The following EGFR variants were observed in gnomAD, a reference collection of about 807,000 sequenced individuals.
EGFR encodes the protein avian erythroblastic leukemia viral (v-erb-b) oncogene homolog.
In EGFR, 58 loss-of-function variants were observed where a neutral mutation model predicts 143.0. That is an observed-to-expected ratio of 0.41 (90% CI 0.33 to 0.50). EGFR has a LOEUF of 0.50. EGFR is among the 20% of genes least tolerant of loss of function. The probability of loss-of-function intolerance (pLI) is 0.39; values close to 1 mark genes in which losing one functional copy is unlikely to be tolerated. For missense variants in EGFR, 1,307 were observed against 1,579.0 expected, an observed-to-expected ratio of 0.83 and a Z score of 2.92; for synonymous variants, 613 against 594.4, an observed-to-expected ratio of 1.03 and a Z score of -0.45.
chr7:55,135,840 AATGTATTTT>A (rs11278449), intron 1 of EGFR, among the ~76,000 whole-genome samples: 4,240 of 152,242 alleles, frequency 0.028, 219 homozygotes, highest in African/African-American at 0.097. Flanking sequence ...ATTTTTAAGG[AATGTATTTT>A]TTAAGATAGC....
intron 1 of EGFR, among the ~76,000 whole-genome samples, chr7:55,103,526 T>G (rs1791945606): frequency 6.6e-6 from 1 of 152,224 alleles, no homozygotes; most frequent in Admixed American, 6.5e-5. Flanking sequence ...AGTGAAAAGC[T>G]GGCAGATTTT....
chr7:55,172,193 C>T (rs1786381937), intron 16 of EGFR, among the ~76,000 whole-genome samples: 1 of 152,194 alleles, frequency 6.6e-6, no homozygotes, highest in Non-Finnish European at 1.5e-5. Flanking sequence ...CTGCTCTTTT[C>T]CATCTTTTTC....
At chr7:55,066,306 C>T (rs1308857048) in intron 1 of EGFR, among the ~76,000 whole-genome samples, 2 of 152,150 alleles carry the variant, frequency 1.3e-5, no homozygotes, top group African/African-American at 4.8e-5. Context: ...ACTAATGAGG[C>T]ACTGTCGTGC....
chr7:55,058,326 G>A (rs546167780), intron 1 of EGFR, among the ~76,000 whole-genome samples: 6 of 152,164 alleles, frequency 3.9e-5, no homozygotes, highest in South Asian at 2.1e-4. Context: ...CGCGGGAGGC[G>A]GAGTTTGCAG....
At chr7:55,092,161 A>T (rs1791167343) in intron 1 of EGFR, among the ~76,000 whole-genome samples, 1 of 152,114 alleles carries the variant, frequency 6.6e-6, no homozygotes, top group African/African-American at 2.4e-5. Flanking sequence ...TCTGCTCAGG[A>T]CAGAATGGGG....
Position 55,207,105 on chromosome 7 carries a change from CAG to C in EGFR, c.*1489_*1490del. 1 of 232,832 alleles carries C rather than the reference CAG, an allele frequency of 4.3e-6. No homozygotes were observed. Among genetic ancestry groups the C allele is most frequent in the Non-Finnish European group, 8.5e-6 (1 of 117,798 alleles). The allele number at this position is 232,832 out of a possible 1,614,324, so 14.4% of individuals were successfully genotyped here. A position where few individuals can be genotyped will look rare whatever the true frequency, so the allele number is the denominator to read the frequency against. On this transcript the variant is annotated 3_prime_UTR_variant, in exon 28 of 28. Transcript: ENST00000275493. ...CTGGTTAACAGCAGTCCTTTGTAAACAGTGTTTTAAACTCTCCTAGTCAATAT... is the reference window on the plus strand; with the variant it reads ...CTGGTTAACAGCAGTCCTTTGTAAACTGTTTTAAACTCTCCTAGTCAATAT...
intron 1 of EGFR, among the ~76,000 whole-genome samples, chr7:55,042,207 T>G (rs1787937449): frequency 1.3e-5 from 2 of 152,218 alleles, no homozygotes; most frequent in Non-Finnish European, 2.9e-5. Context: ...TAAGTTTGAC[T>G]TTCATTTACC....
chr7:55,105,622 A>G (rs908853572), intron 1 of EGFR, among the ~76,000 whole-genome samples: 5 of 152,212 alleles, frequency 3.3e-5, no homozygotes, highest in Non-Finnish European at 5.9e-5. Context: ...CTGGAGAAGC[A>G]TTTAGGGAGC....
chr7:55,209,611 A>G lies in EGFR; in HGVS notation c.*3994A>G, dbSNP rs1415447831. 2.0e-5 allele frequency: 3 copies of G among 152,168 alleles called. No individual in the cohort carries two copies. Among genetic ancestry groups the G allele is most frequent in the Non-Finnish European group, 4.4e-5 (3 of 68,040 alleles). 9.4% of individuals were successfully genotyped at this position (152,168 alleles called of 1,614,324 possible). A position where few individuals can be genotyped will look rare whatever the true frequency, so the allele number is the denominator to read the frequency against. Reference sequence around the variant, plus strand: ...TATTGCAACATAATGATCTGCTCACATTTCCTTGCCTGGGGGCTGTAAAAC... The same window carrying G: ...TATTGCAACATAATGATCTGCTCACGTTTCCTTGCCTGGGGGCTGTAAAAC... On this transcript the variant is annotated 3_prime_UTR_variant, in exon 28 of 28. Transcript: ENST00000275493.
rs187753487 is a variant in EGFR at position 55,089,393 on chromosome 7, A to G, written c.89-52893A>G. Among the ~76,000 whole-genome samples, 8 of 152,348 alleles carry G rather than the reference A, an allele frequency of 5.3e-5. No individual in the cohort carries two copies. The South Asian group carries it at 1.2e-3, about 24-fold the overall frequency. ...GGGTGCCATTCAAATAGGATTTTCA[A>G]TGGAGGAATTTTTAAATTTTCAGTT... On this transcript the variant is annotated intron_variant, in intron 1 of 27. Transcript: ENST00000275493.
At chr7:55,161,737 T>C in intron 13 of EGFR, 106 bp downstream of exon 13, 1 of 1,586,310 alleles carries the variant, frequency 6.3e-7, no homozygotes, top group East Asian at 2.2e-5. Flanking sequence ...CCTTTTATTC[T>C]TTGCCCTTGG....
intron 1 of EGFR, among the ~76,000 whole-genome samples, chr7:55,057,910 C>T (rs549854676): frequency 2.2e-4 from 34 of 152,296 alleles, no homozygotes; most frequent in Admixed American, 1.2e-3. Context: ...ACAAAAGCAA[C>T]GTGCTCTTTT....
chr7:55,202,430 A>C, intron 26 of EGFR, 87 bp from the exon 27 acceptor site: 2 of 1,148,394 alleles, frequency 1.7e-6, no homozygotes. Context: ...CAGAACCAGC[A>C]TCTCAAGGAG....
At chr7:55,080,545 G>A (rs2128889536) in intron 1 of EGFR, among the ~76,000 whole-genome samples, 1 of 152,306 alleles carries the variant, frequency 6.6e-6, no homozygotes, top group Non-Finnish European at 1.5e-5. Flanking sequence ...CTGGGAAGGT[G>A]TGAGCTTGGG....
chr7:55,025,828 A>G (rs1358445080), intron 1 of EGFR, among the ~76,000 whole-genome samples: 1 of 152,214 alleles, frequency 6.6e-6, no homozygotes, highest in Non-Finnish European at 1.5e-5. Context: ...GTTATCAGCA[A>G]CTGGTAATAT....
chr7:55,181,686 T>G, intron 20 of EGFR: 1 of 638,846 alleles, frequency 1.6e-6, no homozygotes, highest in African/African-American at 1.8e-5. Flanking sequence ...GAAACTCTCA[T>G]CAATCAGCTA....
At chr7:55,161,688 T>A (rs887208185) in intron 13 of EGFR, 57 bp downstream of exon 13, 2 of 1,613,188 alleles carry the variant, frequency 1.2e-6, no homozygotes, top group African/African-American at 2.7e-5. Context: ...CTCCAGGTTG[T>A]TGTTATAGCT....
intron 1 of EGFR, among the ~76,000 whole-genome samples, chr7:55,087,620 A>G (rs1240670556): frequency 6.6e-6 from 1 of 152,230 alleles, no homozygotes; most frequent in Non-Finnish European, 1.5e-5. Context: ...AAGGAGAAAT[A>G]AGAGAGTCGG....
intron 1 of EGFR, among the ~76,000 whole-genome samples, chr7:55,107,839 G>T (rs758076261): frequency 6.6e-6 from 1 of 152,118 alleles, no homozygotes. Flanking sequence ...CAAAAGACAC[G>T]CCTACTTGTA....
Sources: gnomAD v4.1 joint callset for allele counts (sites outside exome capture counted in the v4.1 genomes callset) on GRCh38, gnomAD v4.1.1 for gene constraint, MANE v1.5 for transcripts, NCBI Gene and HGNC (gene_info 2026-07-23, HGNC 2026-07-21) for gene names.